CCDC39: variants seen among roughly 807,000 people sequenced by gnomAD.
The protein encoded by CCDC39 is coiled-coil domain-containing protein 39.
Under a neutral mutation model 121.0 loss-of-function variants are expected in CCDC39, and 113 were observed. That is an observed-to-expected ratio of 0.93 (90% CI 0.80 to 1.09). The LOEUF is 1.09. Among genes scored for constraint, CCDC39 ranks in the 50% least tolerant of loss-of-function variants. The pLI is 0.00. For synonymous variants in CCDC39, 349 were observed against 352.2 expected (o/e 0.99, Z 0.10); for missense variants, 1,063 against 1,074.7 (o/e 0.99, Z 0.15).
chr3:180,665,564 G>A (rs995363612), intron 1 of CCDC39, among the ~76,000 whole-genome samples: 10 of 151,262 alleles, frequency 6.6e-5, no homozygotes, highest in Admixed American at 2.6e-4. Flanking sequence ...ATTCCCTCTC[G>A]TTTCCTGTTC....
chr3:180,646,019 T>C (rs1476008878), intron 11 of CCDC39, among the ~76,000 whole-genome samples: 2 of 152,088 alleles, frequency 1.3e-5, no homozygotes, highest in African/African-American at 4.8e-5. Flanking sequence ...ACATATTGAG[T>C]ACCTACAATT....
intron 1 of CCDC39, among the ~76,000 whole-genome samples, chr3:180,672,546 A>T (rs1712079259): frequency 6.6e-6 from 1 of 152,216 alleles, no homozygotes; most frequent in African/African-American, 2.4e-5. Flanking sequence ...GTGAGCCAAG[A>T]TCACACCAGT....
chr3:180,631,041 A>G (rs1161875869), intron 14 of CCDC39, among the ~76,000 whole-genome samples: 2 of 152,202 alleles, frequency 1.3e-5, no homozygotes, highest in African/African-American at 2.4e-5. Flanking sequence ...TCACATGCAT[A>G]CCAAAGACAC....
intron 1 of CCDC39, among the ~76,000 whole-genome samples, chr3:180,677,108 C>A (rs1712235163): frequency 7.2e-6 from 1 of 138,956 alleles, no homozygotes; most frequent in South Asian, 2.3e-4. Flanking sequence ...AACAAACCTG[C>A]ACGTTGTGCA....
chr3:180,645,576 G>A (rs1718049947), intron 11 of CCDC39, among the ~76,000 whole-genome samples: 1 of 152,030 alleles, frequency 6.6e-6, no homozygotes, highest in African/African-American at 2.4e-5. Context: ...GCATAAAAAT[G>A]TGATTTTATA....
chr3:180,657,333 A>C (rs1264173097), intron 6 of CCDC39, among the ~76,000 whole-genome samples: 1 of 152,164 alleles, frequency 6.6e-6, no homozygotes, highest in African/African-American at 2.4e-5. Flanking sequence ...ACCACTATGA[A>C]TGTGACCAGG....
intron 9 of CCDC39, 91 bp from the exon 10 acceptor site, chr3:180,648,450 T>A (rs1367555186): frequency 1.9e-5 from 17 of 918,492 alleles, no homozygotes; most frequent in Non-Finnish European, 2.5e-5. Context: ...TCAAATAAAT[T>A]TGAACCCTCC....
At chr3:180,626,747 G>A (rs545709299) in intron 14 of CCDC39, among the ~76,000 whole-genome samples, 25 of 152,116 alleles carry the variant, frequency 1.6e-4, no homozygotes, top group Admixed American at 3.9e-4. Flanking sequence ...GTTGTGAGGA[G>A]TGCAGTCTTC....
chr3:180,670,218 TA>T (rs200104420), intron 1 of CCDC39, among the ~76,000 whole-genome samples: 2,566 of 149,654 alleles, frequency 0.017, 61 homozygotes, highest in African/African-American at 0.06. Context: ...CACTGCCTTG[TA>T]AAAAAAAAAT....
At chr3:180,669,679 A>C (rs1208322598) in intron 1 of CCDC39, among the ~76,000 whole-genome samples, 1 of 152,112 alleles carries the variant, frequency 6.6e-6, no homozygotes, top group Non-Finnish European at 1.5e-5. Flanking sequence ...CACAATAGAT[A>C]ATGAAATAGA....
intron 12 of CCDC39, among the ~76,000 whole-genome samples, chr3:180,643,745 A>T (rs1181085627): frequency 1.3e-5 from 2 of 152,204 alleles, no homozygotes; most frequent in Non-Finnish European, 2.9e-5. Context: ...CTAATTGAAC[A>T]ACTGCACTGT....
intron 6 of CCDC39, 88 bp downstream of exon 6, chr3:180,659,364 A>G: frequency 6.6e-7 from 1 of 1,512,676 alleles, no homozygotes; most frequent in Non-Finnish European, 9.0e-7. Flanking sequence ...ACTTTCAAAT[A>G]ACAATGTGAT....
At position 180,631,541 on chromosome 3, in the gene CCDC39, A is replaced by G. The variant is rs1389022842; in HGVS notation, c.1926T>C (p.Tyr642=). The G allele has an allele frequency of 1.9e-6, 3 of 1,609,416 alleles. No individual in the cohort carries two copies. The highest frequency in any genetic ancestry group is 1.7e-5 in the Admixed American group (1 of 59,998). ...LSKIEKLKNR[Y]EILTVVMLPP... is the part of the protein sequence containing the mutation. Reference sequence around the variant, plus strand: ...GCAGCATAACAACAGTCAGAATTTCATATCTATTCTTCAGCTTCTCAATTT... The same window carrying G: ...GCAGCATAACAACAGTCAGAATTTCGTATCTATTCTTCAGCTTCTCAATTT... The change falls in exon 14 of 20, where the codon TAT becomes TAC. Residue 642 remains tyrosine, a synonymous_variant. Transcript: ENST00000476379.
intron 1 of CCDC39, among the ~76,000 whole-genome samples, chr3:180,670,361 A>G (rs1410600957): frequency 1.3e-5 from 2 of 151,998 alleles, no homozygotes; most frequent in East Asian, 3.9e-4. Flanking sequence ...GATGAGTGAC[A>G]TTAAACAAAA....
intron 14 of CCDC39, among the ~76,000 whole-genome samples, chr3:180,624,719 AT>A (rs1717517604): frequency 6.6e-6 from 1 of 151,982 alleles, no homozygotes; most frequent in Non-Finnish European, 1.5e-5. Flanking sequence ...TTTGCTGGGT[AT>A]TTCTTCTTCC....
At chr3:180,677,120 A>C (rs1712235558) in intron 1 of CCDC39, among the ~76,000 whole-genome samples, 1 of 138,316 alleles carries the variant, frequency 7.2e-6, no homozygotes, top group Admixed American at 7.5e-5. Context: ...CGTTGTGCAC[A>C]TGTACCCTAA....
At position 180,651,604 on chromosome 3, in the gene CCDC39, T is replaced by C. The variant is rs929338753; in HGVS notation, c.1035-71A>G. 1.6e-5 allele frequency: 22 copies of C among 1,362,616 alleles called. No homozygotes were observed. In the African/African-American group the frequency reaches 3.2e-4, roughly 20 times the overall value. 84.4% of individuals were successfully genotyped at this position (1,362,616 alleles called of 1,614,324 possible). A position where few individuals can be genotyped will look rare whatever the true frequency, so the allele number is the denominator to read the frequency against. On this transcript the variant is annotated intron_variant, in intron 8 of 19. Coordinates refer to ENST00000476379, the MANE Select transcript of CCDC39 (RefSeq NM_181426.2). ...CATTTCATACAAACAAATAATAGTT[T>C]ATCCTAATATTTATTTGTATAACTT...
chr3:180,658,038 AG>A (rs1711626767), intron 6 of CCDC39, among the ~76,000 whole-genome samples: 1 of 151,032 alleles, frequency 6.6e-6, no homozygotes, highest in African/African-American at 2.4e-5. Context: ...GTTCGAGACC[AG>A]CCTGGCCAAC....
chr3:180,660,501 T>G, intron 4 of CCDC39, 69 bp downstream of exon 4: 1 of 1,331,698 alleles, frequency 7.5e-7, no homozygotes, highest in Non-Finnish European at 1.0e-6. Flanking sequence ...TAAGTATAAC[T>G]TTAGGTAAAT....
Sources: gnomAD v4.1 joint callset for allele counts (sites outside exome capture counted in the v4.1 genomes callset) on GRCh38, gnomAD v4.1.1 for gene constraint, MANE v1.5 for transcripts, NCBI Gene and HGNC (gene_info 2026-07-23, HGNC 2026-07-21) for gene names.